The following TRAPPC6B variants were observed in gnomAD, a reference collection of about 807,000 sequenced individuals.
TRAPPC6B encodes TRAPP complex subunit 6B.
TRAPPC6B carries 27 observed loss-of-function variants against 24.7 expected under a neutral mutation model. The ratio of observed to expected loss-of-function variants is 1.09; its 90% CI spans 0.81 to 1.51. The LOEUF is 1.51. Among genes scored for constraint, TRAPPC6B ranks in the 40% most tolerant of loss-of-function variants. The pLI is 0.00. For missense variants in TRAPPC6B, 212 were observed against 190.8 expected (o/e 1.11, Z -0.66); for synonymous variants, 80 against 66.6 (o/e 1.20, Z -0.98).
At chr14:39,169,918 C>T (rs2053149478) in intron 1 of TRAPPC6B, 97 bp downstream of exon 1, 1 of 1,193,334 alleles carries the variant, frequency 8.4e-7, no homozygotes, top group Non-Finnish European at 1.2e-6. Context: ...CCTCGGGAGG[C>T]GTCGGGTGGC....
At chr14:39,152,751 C>T (rs2052930044) in intron 4 of TRAPPC6B, among the ~76,000 whole-genome samples, 2 of 152,112 alleles carry the variant, frequency 1.3e-5, no homozygotes, top group African/African-American at 2.4e-5. Flanking sequence ...TTCCAGTTCT[C>T]AAAGATGTCC....
chr14:39,159,598 T>C, intron 1 of TRAPPC6B, 48 bp from the exon 2 acceptor site: 1 of 1,356,514 alleles, frequency 7.4e-7, no homozygotes, highest in Non-Finnish European at 1.0e-6. Flanking sequence ...TGCTAGGATG[T>C]TAGTATTCAG....
Position 39,149,512 on chromosome 14 carries a change from A to T in TRAPPC6B, c.*838T>A, listed in dbSNP as rs1008113727. ...AGATGAGCACTGACCCCAAACCACT[A>T]AGATGATATGGTCCAAAGAATGTCA... On this transcript the variant is annotated 3_prime_UTR_variant, in exon 6 of 6. Transcript: ENST00000330149. 7.9e-5 allele frequency: 12 copies of T among 152,230 alleles called. No homozygotes were observed. Among genetic ancestry groups the T allele is most frequent in the Non-Finnish European group, 1.3e-4 (9 of 68,032 alleles). 9.4% of individuals were successfully genotyped at this position (152,230 alleles called of 1,614,324 possible). A position where few individuals can be genotyped will look rare whatever the true frequency, so the allele number is the denominator to read the frequency against.
chr14:39,158,295 G>A lies in TRAPPC6B; in HGVS notation c.257C>T (p.Thr86Ile). 1 of 1,569,838 alleles carries A rather than the reference G, an allele frequency of 6.4e-7. No individual in the cohort carries two copies. Among genetic ancestry groups the A allele is most frequent in the Non-Finnish European group, 8.7e-7 (1 of 1,153,572 alleles). The change falls in exon 3 of 6, where the codon ACA (threonine) becomes ATA (isoleucine). Residue 86 changes from threonine to isoleucine, a missense_variant. By Grantham distance (89) the Thr-to-Ile change is moderately conservative. Coordinates refer to ENST00000330149, the MANE Select transcript of TRAPPC6B (RefSeq NM_001079537.2). ...VFKKQIDNLR[T>I]NHQGIYVLQD... ...AATTAATTTAATTACCTGATGATTT[G>A]TCCTTAGATTGTCGATTTGTTTCTT...
intron 3 of TRAPPC6B, among the ~76,000 whole-genome samples, chr14:39,155,788 C>T (rs145656099): frequency 3.2e-4 from 48 of 151,956 alleles, no homozygotes; most frequent in African/African-American, 1.0e-3. Context: ...CTGCCCACCT[C>T]GGCCTCCCAA....
rs1272974553 is a variant in TRAPPC6B, at chr14:39,170,289, G to A, written c.-194C>T. ...TGAAATGAGTCTGGTACTGGAGAGA[G>A]CCCACACTTCGGGGCTACCAAATCC... is the stretch of plus-strand genomic sequence containing the variant. On this transcript the variant is annotated 5_prime_UTR_variant, in exon 1 of 6. Coordinates refer to ENST00000330149, the MANE Select transcript of TRAPPC6B (RefSeq NM_001079537.2). The A allele has an allele frequency of 3.4e-6, 2 of 581,222 alleles. No individual in the cohort carries two copies. The highest frequency in any genetic ancestry group is 1.9e-5 in the African/African-American group (1 of 52,764). 36.0% of individuals were successfully genotyped at this position (581,222 alleles called of 1,614,324 possible).
Position 39,148,419 on chromosome 14 carries a change from A to G in TRAPPC6B, c.*1931T>C, listed in dbSNP as rs929687456. 7 of 349,168 alleles carry G rather than the reference A, an allele frequency of 2.0e-5. No individual in the cohort carries two copies. Among genetic ancestry groups the G allele is most frequent in the Non-Finnish European group, 3.1e-5 (6 of 194,598 alleles). 21.6% of individuals were successfully genotyped at this position (349,168 alleles called of 1,614,324 possible). A position where few individuals can be genotyped will look rare whatever the true frequency, so the allele number is the denominator to read the frequency against. ...AGGGAAGCACCCTATTCTATAGCAC[A>G]AGGCAGCCATACAGAGTTTTAGGCC... On this transcript the variant is annotated 3_prime_UTR_variant, in exon 6 of 6. Coordinates refer to ENST00000330149, the MANE Select transcript of TRAPPC6B (RefSeq NM_001079537.2).
At chr14:39,167,868 C>T (rs1209425816) in intron 1 of TRAPPC6B, among the ~76,000 whole-genome samples, 1 of 129,924 alleles carries the variant, frequency 7.7e-6, no homozygotes, top group Non-Finnish European at 1.8e-5. Flanking sequence ...GATTAACCCA[C>T]GGGAAAAAAA....
intron 3 of TRAPPC6B, chr14:39,157,159 G>A: frequency 8.2e-6 from 2 of 244,424 alleles, no homozygotes; most frequent in South Asian, 5.4e-5. Flanking sequence ...CCCTGTTTGA[G>A]AAAAGGCCTA....
chr14:39,161,331 T>C (rs957975483), intron 1 of TRAPPC6B, among the ~76,000 whole-genome samples: 5 of 152,190 alleles, frequency 3.3e-5, no homozygotes, highest in African/African-American at 9.7e-5. Flanking sequence ...AGTTCCTTAA[T>C]AGCTACCTAA....
rs201703174 is a variant in TRAPPC6B, at chr14:39,158,725, T to C, written c.150-323A>G. On this transcript the variant is annotated intron_variant, in intron 2 of 5. Coordinates refer to ENST00000330149, the MANE Select transcript of TRAPPC6B (RefSeq NM_001079537.2). Reference sequence around the variant, plus strand: ...TTGTAGAGACAGGGTTCCACTTTGTTACCCTGGCTGGTCTCAAACTCCTGA... The same window carrying C: ...TTGTAGAGACAGGGTTCCACTTTGTCACCCTGGCTGGTCTCAAACTCCTGA... 2.2e-5 allele frequency: 4 copies of C among 178,648 alleles called. No individual in the cohort carries two copies. In the East Asian group the frequency reaches 4.9e-4, roughly 22 times the overall value. 11.1% of individuals were successfully genotyped at this position (178,648 alleles called of 1,614,324 possible).
Position 39,151,748 on chromosome 14 carries a change from G to T in TRAPPC6B, c.443C>A (p.Ala148Asp). Reference protein sequence around the residue: ...IVTAEVSSMPACKFQVMIQKL With the variant: ...IVTAEVSSMPDCKFQVMIQKL ...TAAGAAAGGCGAATTCAACTTACAA[G>T]CAGGCATTGAAGACACTTCAGCTGT... Residue 148 changes from alanine to aspartate, a missense_variant and splice_region_variant, in exon 5 of 6, where the codon GCT becomes GAT. Transcript: ENST00000330149. 1 of 1,570,296 alleles carries T rather than the reference G, an allele frequency of 6.4e-7. No individual in the cohort carries two copies. The highest frequency in any genetic ancestry group is 1.2e-5 in the South Asian group (1 of 82,648).
At chr14:39,163,235 G>T (rs1453448552) in intron 1 of TRAPPC6B, among the ~76,000 whole-genome samples, 1 of 150,216 alleles carries the variant, frequency 6.7e-6, no homozygotes, top group Non-Finnish European at 1.5e-5. Context: ...GCCGGGCATG[G>T]TGGCACATAC....
chr14:39,152,362 T>C lies in TRAPPC6B; in HGVS notation c.352-523A>G, dbSNP rs561902178. ...CTTATAGCTTGCCACAACAAAGAAT[T>C]ATCTGGTTGAAAGTATCAACAGTTT... is the stretch of plus-strand genomic sequence containing the variant. On this transcript the variant is annotated intron_variant, in intron 4 of 5. Coordinates refer to ENST00000330149, the MANE Select transcript of TRAPPC6B (RefSeq NM_001079537.2). Among the ~76,000 whole-genome samples the C allele has an allele frequency of 3.9e-4, 60 of 152,308 alleles. 1 individual carries two copies. Among genetic ancestry groups the C allele is most frequent in the African/African-American group, 1.4e-3 (58 of 41,572 alleles).
chr14:39,164,491 T>TA (rs34621208), intron 1 of TRAPPC6B, among the ~76,000 whole-genome samples: 28,963 of 149,320 alleles, frequency 0.19, 4,315 homozygotes, highest in African/African-American at 0.41. Flanking sequence ...AAACTCTGTC[T>TA]AAAAAAAAAA....
chr14:39,158,903 T>C (rs559725912), intron 2 of TRAPPC6B: 9 of 152,516 alleles, frequency 5.9e-5, no homozygotes, highest in African/African-American at 2.2e-4. Context: ...TTATATAAAT[T>C]ATGAGGCCTC....
intron 4 of TRAPPC6B, among the ~76,000 whole-genome samples, chr14:39,153,176 C>A (rs1203933978): frequency 7.0e-6 from 1 of 143,424 alleles, no homozygotes; most frequent in African/African-American, 2.6e-5. Flanking sequence ...CCTGTAATCC[C>A]AGCTACTCAG....
At chr14:39,154,923 T>G (rs960884979) in intron 3 of TRAPPC6B, among the ~76,000 whole-genome samples, 1 of 152,238 alleles carries the variant, frequency 6.6e-6, no homozygotes, top group East Asian at 1.9e-4. Context: ...AATAAGCTGT[T>G]TGTTTGTATA....
intron 3 of TRAPPC6B, chr14:39,157,802 G>A: frequency 4.4e-6 from 1 of 224,722 alleles, no homozygotes; most frequent in Non-Finnish European, 9.0e-6. Context: ...TCTGTGGCTT[G>A]AATTGTCAAG....
Sources: gnomAD v4.1 joint callset for allele counts (sites outside exome capture counted in the v4.1 genomes callset) on GRCh38, gnomAD v4.1.1 for gene constraint, MANE v1.5 for transcripts, NCBI Gene and HGNC (gene_info 2026-07-23, HGNC 2026-07-21) for gene names.